The following TRPV1 variants were observed in gnomAD, a reference collection of about 807,000 sequenced individuals.
TRPV1 encodes transient receptor potential cation channel subfamily V member 1.
Under a neutral mutation model 82.3 loss-of-function variants are expected in TRPV1, and 82 were observed. That is an observed-to-expected ratio of 1.00 (90% CI 0.83 to 1.20). The LOEUF (loss-of-function observed/expected upper bound fraction) is 1.20. TRPV1 is among the 50% of genes most tolerant of loss of function. The pLI, the probability that TRPV1 is intolerant of heterozygous loss-of-function variation, is 0.00. For synonymous variants in TRPV1, 515 were observed against 467.7 expected (o/e 1.10, Z -1.30); for missense variants, 1,067 against 1,096.8 (o/e 0.97, Z 0.38).
At chr17:3,569,806 G>GTC (rs2074822677) in intron 16 of TRPV1, among the ~76,000 whole-genome samples, 1 of 152,150 alleles carries the variant, frequency 6.6e-6, no homozygotes, top group African/African-American at 2.4e-5. Context: ...GTGTTAAGAA[G>GTC]GTCTCTGGGC....
At chr17:3,588,042 G>A (rs1251312091) in intron 8 of TRPV1, 146 bp downstream of exon 8, 1 of 854,072 alleles carries the variant, frequency 1.2e-6, no homozygotes, top group Admixed American at 2.8e-5. Context: ...GTGGGCATGA[G>A]TGGGGAACGT....
chr17:3,591,473 A>G (rs962959083), intron 3 of TRPV1, 120 bp from the exon 4 acceptor site: 5 of 1,189,286 alleles, frequency 4.2e-6, no homozygotes, highest in African/African-American at 1.5e-5. Flanking sequence ...GAAAAATGAT[A>G]TAAAAGCTGC....
chr17:3,597,519 T>C (rs1313518973), intron 2 of TRPV1, among the ~76,000 whole-genome samples: 2 of 152,130 alleles, frequency 1.3e-5, no homozygotes, highest in African/African-American at 2.4e-5. Context: ...AACTAGTCCC[T>C]AACTCTCTTA....
chr17:3,582,412 C>CA (rs1041980853), intron 10 of TRPV1, among the ~76,000 whole-genome samples: 10 of 150,618 alleles, frequency 6.6e-5, no homozygotes, highest in Admixed American at 2.0e-4. Context: ...TTTCCAGAGT[C>CA]AAAAAAAACA....
At chr17:3,579,945 C>T (rs1340817444) in intron 11 of TRPV1, among the ~76,000 whole-genome samples, 7 of 100,786 alleles carry the variant, frequency 6.9e-5, no homozygotes, top group African/African-American at 1.8e-4. Context: ...CTCCAGGCGA[C>T]TGGGGGATGG....
At chr17:3,577,457 G>T in intron 12 of TRPV1, 141 bp downstream of exon 12, 3 of 1,188,048 alleles carry the variant, frequency 2.5e-6, no homozygotes, top group Non-Finnish European at 3.5e-6. Context: ...CAGATTGCTT[G>T]ATTCTTGGAA....
intron 13 of TRPV1, among the ~76,000 whole-genome samples, chr17:3,576,668 A>AAAAAAATAT: frequency 2.6e-5 from 1 of 38,420 alleles, no homozygotes; most frequent in Non-Finnish European, 5.3e-5. Context: ...AAAAAAAAAA[A>AAAAAAATAT]ATATATATAT....
chr17:3,588,238 C>A lies in TRPV1; in HGVS notation c.1174G>T (p.Glu392Ter). The part of the protein sequence containing the change: ...LYDLSCIDTC[E>*]KNSVLEVIAY... The stretch of plus-strand genomic sequence containing the variant: ...ATCACCTCCAGCACCGAGTTCTTCT[C>A]GCAGGTGTCGATGCAGGACAGGTCG... The change falls in exon 8 of 17, where the codon GAG becomes TAG. Residue 392 changes from glutamate to a stop codon, truncating the protein, a stop_gained. Coordinates refer to ENST00000572705, the MANE Select transcript of TRPV1 (RefSeq NM_080704.4). LOFTEE classifies it high-confidence loss of function. 2 of 1,579,752 alleles carry A rather than the reference C, an allele frequency of 1.3e-6. No individual in the cohort carries two copies. Among genetic ancestry groups the A allele is most frequent in the South Asian group, 1.2e-5 (1 of 85,800 alleles).
chr17:3,597,480 G>A (rs530287194), intron 2 of TRPV1, among the ~76,000 whole-genome samples: 8 of 152,228 alleles, frequency 5.3e-5, no homozygotes, highest in Non-Finnish European at 1.0e-4. Context: ...TGGCATTAGG[G>A]ACTTGTTTTG....
rs201923762 is a variant in TRPV1 at position 3,573,648 on chromosome 17, G to A, written c.2088C>T (p.Asn696=). The change falls in exon 14 of 17, where the codon AAC becomes AAT. Residue 696 remains asparagine, a synonymous_variant. Coordinates refer to ENST00000572705, the MANE Select transcript of TRPV1 (RefSeq NM_080704.4). ...ACCCACCCACCTGCAGCTTCCAGAT[G>A]TTCTTGCTCTCCTGTGCGATCTTGT... is the stretch of plus-strand genomic sequence containing the variant. ...TVNKIAQESK[N]IWKLQRAITI... 3.1e-6 allele frequency: 5 copies of A among 1,611,698 alleles called. No homozygotes were observed. The South Asian group carries it at 3.3e-5, about 11-fold the overall frequency.
chr17:3,608,082 G>A (rs1460195358), intron 2 of TRPV1, among the ~76,000 whole-genome samples: 5 of 151,782 alleles, frequency 3.3e-5, no homozygotes, highest in Admixed American at 6.6e-5. Flanking sequence ...GTGGTGGCAG[G>A]AGCCTGTAAT....
rs375905892 is a variant in TRPV1, at chr17:3,573,665, C to A, written c.2071G>T (p.Ala691Ser). 1.2e-6 allele frequency: 2 copies of A among 1,613,686 alleles called. No homozygotes were observed. The highest frequency in any genetic ancestry group is 2.7e-5 in the African/African-American group (2 of 74,868). ...ALMGETVNKI[A>S]QESKNIWKLQ... is the part of the protein sequence containing the mutation. ...TTCCAGATGTTCTTGCTCTCCTGTG[C>A]GATCTTGTTGACAGTCTCACCCATG... Residue 691 changes from alanine (A) to serine (S), a missense_variant, in exon 14 of 17, where the codon GCA (alanine) becomes TCA (serine). By Grantham distance (99) the Ala-to-Ser change is moderately conservative (BLOSUM62 1). Transcript: ENST00000572705.
At position 3,586,040 on chromosome 17, in the gene TRPV1, G is replaced by A. The variant is rs548570420; in HGVS notation, c.1225-114C>T. 250 of 1,372,774 alleles carry A rather than the reference G, an allele frequency of 1.8e-4. 1 individual carries two copies. In the African/African-American group the frequency reaches 2.9e-3, roughly 16 times the overall value. 85.0% of individuals were successfully genotyped at this position (1,372,774 alleles called of 1,614,324 possible). A position where few individuals can be genotyped will look rare whatever the true frequency, so the allele number is the denominator to read the frequency against. Reference sequence around the variant, plus strand: ...GTGGCCCGCACAGTCCTCAGCCCACGGAGCAGGTGAGATGGGAGGTCTGAG... The same window carrying A: ...GTGGCCCGCACAGTCCTCAGCCCACAGAGCAGGTGAGATGGGAGGTCTGAG... On this transcript the variant is annotated intron_variant, in intron 8 of 16. Transcript: ENST00000572705.
chr17:3,589,201 T>C (rs1305174307), intron 7 of TRPV1, among the ~76,000 whole-genome samples: 3 of 113,606 alleles, frequency 2.6e-5, no homozygotes, highest in African/African-American at 6.4e-5. Context: ...ACAGCTTTTT[T>C]CTTTTTCCTT....
intron 2 of TRPV1, among the ~76,000 whole-genome samples, chr17:3,607,837 A>G (rs2075307359): frequency 1.3e-5 from 2 of 151,902 alleles, no homozygotes; most frequent in Admixed American, 1.3e-4. Flanking sequence ...ACACCCAGCC[A>G]AAGTAGAACG....
intron 2 of TRPV1, among the ~76,000 whole-genome samples, chr17:3,603,779 G>A (rs1421210752): frequency 1.3e-5 from 2 of 152,212 alleles, no homozygotes; most frequent in Admixed American, 6.5e-5. Flanking sequence ...ACGCAAGTGA[G>A]CATCTCTGTA....
intron 7 of TRPV1, 36 bp from the exon 8 acceptor site, chr17:3,588,403 C>A (rs2075111195): frequency 6.5e-7 from 1 of 1,544,714 alleles, no homozygotes. Context: ...CAGAGGCCAG[C>A]CCCAGGCTCA....
At chr17:3,573,532 G>GGCCACCCCCCCCC in intron 14 of TRPV1, 101 bp downstream of exon 14, 1 of 257,076 alleles carries the variant, frequency 3.9e-6, no homozygotes, top group Non-Finnish European at 7.7e-6. Flanking sequence ...GCCACACACC[G>GGCCACCCCCCCCC]CCCCCACCAC....
chr17:3,572,984 GAAAAAAA>G (rs137909617), intron 14 of TRPV1, among the ~76,000 whole-genome samples: 2 of 71,262 alleles, frequency 2.8e-5, no homozygotes, highest in African/African-American at 1.1e-4. Context: ...CTCCATCTCA[GAAAAAAA>G]AAAAAAAAAA....
Sources: allele counts gnomAD v4.1 joint callset (sites outside exome capture counted in the v4.1 genomes callset), GRCh38; gene constraint gnomAD v4.1.1; transcripts MANE v1.5; gene names NCBI Gene and HGNC (gene_info 2026-07-23, HGNC 2026-07-21).